Variants in PCDH7 observed in about 807,000 individuals in gnomAD.
The protein encoded by PCDH7 is protocadherin-7.
In PCDH7, 17 loss-of-function variants were observed where a neutral mutation model predicts 58.9. The observed-to-expected ratio is 0.29, with a 90% CI of 0.20 to 0.43. The LOEUF (loss-of-function observed/expected upper bound fraction) is 0.43, where lower values mean the gene tolerates loss of function less well. Among genes scored for constraint, PCDH7 ranks in the 20% least tolerant of loss-of-function variants. The pLI, the probability that PCDH7 is intolerant of heterozygous loss-of-function variation, is 1.00. For synonymous variants in PCDH7, 664 were observed against 616.4 expected, an observed-to-expected ratio of 1.08 and a Z score of -1.14; for missense variants, 1,274 against 1,441.0, an observed-to-expected ratio of 0.88 and a Z score of 1.88.
At chr4:30,968,834 C>T (rs1266891835) in intron 3 of PCDH7, among the ~76,000 whole-genome samples, 1 of 152,112 alleles carries the variant, frequency 6.6e-6, no homozygotes, top group Non-Finnish European at 1.5e-5. Flanking sequence ...AGGATAACTC[C>T]AGGTTCTGAA....
chr4:31,068,731 T>C (rs1223212255), intron 3 of PCDH7, among the ~76,000 whole-genome samples: 1 of 152,014 alleles, frequency 6.6e-6, no homozygotes, highest in Non-Finnish European at 1.5e-5. Flanking sequence ...GATTGAGTTA[T>C]AAGAAAGGAG....
chr4:30,762,930 C>T (rs939642697), intron 1 of PCDH7, among the ~76,000 whole-genome samples: 1 of 152,146 alleles, frequency 6.6e-6, no homozygotes, highest in Non-Finnish European at 1.5e-5. Flanking sequence ...AAATGGCAAA[C>T]AGCAATTTAA....
At position 30,775,766 on chromosome 4, in the gene PCDH7, G is replaced by C. The variant is rs148024990; in HGVS notation, c.70+51170G>C. Among the ~76,000 whole-genome samples the C allele has an allele frequency of 4.6e-3, 698 of 152,138 alleles. 5 individuals are homozygous for C. The highest frequency in any genetic ancestry group is 0.016 in the African/African-American group (660 of 41,498). On this transcript the variant is annotated intron_variant, in intron 1 of 3. Transcript: ENST00000509759. ...ATAAAAATTAGCCAGGCATGGTGAC[G>C]CGTATCTGTAATCCCAGCTACTCGG...
At chr4:31,124,067 C>T (rs995936063) in intron 3 of PCDH7, among the ~76,000 whole-genome samples, 7 of 151,932 alleles carry the variant, frequency 4.6e-5, no homozygotes, top group South Asian at 2.1e-4. Flanking sequence ...GGCGGTGTGA[C>T]GGGCCAGGGT....
At chr4:30,960,079 G>GAGGAAGGAAGGA (rs528027002) in intron 3 of PCDH7, among the ~76,000 whole-genome samples, 9 of 122,762 alleles carry the variant, frequency 7.3e-5, no homozygotes, top group Non-Finnish European at 1.1e-4. Context: ...AAAAGGAGGG[G>GAGGAAGGAAGGA]AGGAAGGAAG....
At chr4:30,798,142 G>A (rs1382185110) in intron 1 of PCDH7, among the ~76,000 whole-genome samples, 3 of 152,080 alleles carry the variant, frequency 2.0e-5, no homozygotes, top group African/African-American at 7.2e-5. Flanking sequence ...AAATGAGGCT[G>A]GAAAATGAAT....
intron 3 of PCDH7, among the ~76,000 whole-genome samples, chr4:30,961,966 A>G (rs939415142): frequency 5.9e-5 from 9 of 152,122 alleles, no homozygotes; most frequent in African/African-American, 1.7e-4. Context: ...TCTCCCACTC[A>G]TCTCTTAATT....
At chr4:30,804,812 T>C (rs1194011173) in intron 1 of PCDH7, among the ~76,000 whole-genome samples, 1 of 152,196 alleles carries the variant, frequency 6.6e-6, no homozygotes, top group Non-Finnish European at 1.5e-5. Flanking sequence ...ATAAGGTCTC[T>C]GACTTAGCTA....
chr4:30,821,411 T>A (rs1191290293), intron 1 of PCDH7, among the ~76,000 whole-genome samples: 1 of 152,204 alleles, frequency 6.6e-6, no homozygotes, highest in East Asian at 1.9e-4. Context: ...AGGAAAGATG[T>A]GCAATTGCAC....
At chr4:30,858,668 G>A (rs371909308) in intron 1 of PCDH7, among the ~76,000 whole-genome samples, 16 of 152,254 alleles carry the variant, frequency 1.1e-4, no homozygotes, top group African/African-American at 3.6e-4. Flanking sequence ...AGAGTCTGTT[G>A]GTAGGCAAGA....
intron 1 of PCDH7, among the ~76,000 whole-genome samples, chr4:30,790,147 C>T (rs1723926691): frequency 2.6e-5 from 4 of 152,152 alleles, no homozygotes; most frequent in African/African-American, 7.2e-5. Context: ...TATTTCACTT[C>T]CCTGTTTGGT....
At chr4:30,990,615 C>T (rs541592390) in intron 3 of PCDH7, among the ~76,000 whole-genome samples, 5 of 152,170 alleles carry the variant, frequency 3.3e-5, no homozygotes, top group South Asian at 4.2e-4. Flanking sequence ...GCTACTAAAT[C>T]GGCTTTGGCA....
chr4:30,789,296 A>T (rs1379302721), intron 1 of PCDH7, among the ~76,000 whole-genome samples: 2 of 152,172 alleles, frequency 1.3e-5, no homozygotes, highest in Non-Finnish European at 2.9e-5. Flanking sequence ...GCAAGGATTG[A>T]TCAGCACATG....
Position 30,721,300 on chromosome 4 carries a change from C to A in PCDH7, c.-123C>A. On this transcript the variant is annotated 5_prime_UTR_variant, in exon 1 of 2. Transcript: ENST00000361762. The surrounding 1 kb of genome is among the most constrained non-coding windows in gnomAD (Gnocchi z 6.7). ...CTTTTGCCCCCTCCCTCCCCTCCCT[C>A]TCGCTCCTTCCTTTCCGGGAGAGGG... 9.6e-7 allele frequency: 1 copy of A among 1,038,128 alleles called. No homozygotes were observed. The highest frequency in any genetic ancestry group is 1.3e-6 in the Non-Finnish European group (1 of 746,758). The allele number at this position is 1,038,128 out of a possible 1,614,324, so 64.3% of individuals were successfully genotyped here.
intron 1 of PCDH7, among the ~76,000 whole-genome samples, chr4:30,864,365 T>C (rs1419047206): frequency 6.6e-6 from 1 of 151,736 alleles, no homozygotes; most frequent in East Asian, 1.9e-4. Flanking sequence ...TCAAATTTAA[T>C]AAGCAGTTAT....
At chr4:31,070,975 G>C (rs183164965) in intron 3 of PCDH7, among the ~76,000 whole-genome samples, 134 of 152,148 alleles carry the variant, frequency 8.8e-4, no homozygotes, top group Non-Finnish European at 1.8e-3. Flanking sequence ...GTTTAGCTGA[G>C]TTTGTATAAA....
intron 3 of PCDH7, among the ~76,000 whole-genome samples, chr4:30,962,962 A>C (rs1356277502): frequency 6.6e-6 from 1 of 152,134 alleles, no homozygotes; most frequent in Non-Finnish European, 1.5e-5. Context: ...GAAGGTAACA[A>C]GCCTGAGGAA....
intron 3 of PCDH7, among the ~76,000 whole-genome samples, chr4:30,960,112 G>GGAAGGAAGGAA (rs1748249972): frequency 3.0e-5 from 2 of 65,796 alleles, no homozygotes; most frequent in African/African-American, 1.0e-4. Flanking sequence ...AAAGGAAGGA[G>GGAAGGAAGGAA]GGAAGGAAGG....
intron 3 of PCDH7, among the ~76,000 whole-genome samples, chr4:30,974,587 A>G (rs564319193): frequency 6.6e-6 from 1 of 152,192 alleles, no homozygotes; most frequent in Non-Finnish European, 1.5e-5. Flanking sequence ...AAGTAAAAAT[A>G]TTAATCTTCC....
Sources: gnomAD v4.1 joint callset for allele counts (sites outside exome capture counted in the v4.1 genomes callset) on GRCh38, gnomAD v4.1.1 for gene constraint, Gnocchi (gnomAD v3.1) non-coding constraint, MANE v1.5 for transcripts, NCBI Gene and HGNC (gene_info 2026-07-23, HGNC 2026-07-21) for gene names.